Variants in GRAMD1B observed in about 807,000 individuals in gnomAD.
GRAMD1B encodes the protein protein Aster-B.
A neutral mutation model predicts 99.7 loss-of-function variants in GRAMD1B; 37 were observed. The observed-to-expected ratio is 0.37, with a 90% confidence interval of 0.29 to 0.49. The LOEUF (loss-of-function observed/expected upper bound fraction) is 0.49. GRAMD1B is among the 20% of genes least tolerant of loss of function. The pLI, the probability that GRAMD1B is intolerant of heterozygous loss-of-function variation, is 0.98. For synonymous variants in GRAMD1B, 427 were observed against 387.6 expected (o/e 1.10, Z -1.19); for missense variants, 888 against 1,009.2 (o/e 0.88, Z 1.63).
At chr11:123,601,909 A>G (rs1217465876) in intron 8 of GRAMD1B, among the ~76,000 whole-genome samples, 1 of 152,212 alleles carries the variant, frequency 6.6e-6, no homozygotes, top group Admixed American at 6.5e-5. Context: ...GCTTGTCCTG[A>G]TCGTGGTTGG....
intron 8 of GRAMD1B, among the ~76,000 whole-genome samples, chr11:123,602,979 G>A (rs533354512): frequency 6.6e-6 from 1 of 152,340 alleles, no homozygotes; most frequent in African/African-American, 2.4e-5. Context: ...GTTAATACAA[G>A]AGGAGATTTC....
At chr11:123,464,717 T>C (rs950176049) in intron 1 of GRAMD1B, among the ~76,000 whole-genome samples, 4 of 152,180 alleles carry the variant, frequency 2.6e-5, no homozygotes, top group Non-Finnish European at 5.9e-5. Flanking sequence ...GTACTGATAT[T>C]TGGACTAGAG....
At chr11:123,378,871 C>T (rs1389107976) in intron 1 of GRAMD1B, among the ~76,000 whole-genome samples, 3 of 152,174 alleles carry the variant, frequency 2.0e-5, no homozygotes, top group Admixed American at 1.3e-4. Flanking sequence ...TTCTCATGCA[C>T]AAGAGCAATA....
chr11:123,428,999 C>T (rs190181120), upstream of GRAMD1B, among the ~76,000 whole-genome samples: 6 of 152,230 alleles, frequency 3.9e-5, 1 homozygote, highest in African/African-American at 1.4e-4. Context: ...TGAGACCAGC[C>T]TGGGCAATAT....
In GRAMD1B at chr11:123,591,466, G is replaced by A. The variant is rs187860746; in HGVS notation, c.685-2616G>A. 86 of 399,078 alleles carry A rather than the reference G, an allele frequency of 2.2e-4. No homozygotes were observed. The highest frequency in any genetic ancestry group is 1.5e-3 in the African/African-American group (75 of 48,764). The allele number at this position is 399,078 out of a possible 1,614,324, so 24.7% of individuals were successfully genotyped here. ...AGCAGGAGAGCCAGCTGCTGCAGTG[G>A]TACCTGAAGCAGCTTGGCCATGCAC... is the stretch of plus-strand genomic sequence containing the variant. On this transcript the variant is annotated intron_variant, in intron 4 of 19. Coordinates refer to ENST00000635736, the MANE Select transcript of GRAMD1B (RefSeq NM_001387025.1). This position sits in a 1 kb window ranked among gnomAD's most constrained non-coding sequence, Gnocchi z 4.7.
At chr11:123,376,261 A>G (rs1044335782) in intron 1 of GRAMD1B, among the ~76,000 whole-genome samples, 6 of 152,170 alleles carry the variant, frequency 3.9e-5, no homozygotes, top group African/African-American at 1.2e-4. Flanking sequence ...AATCTTTTCT[A>G]GTTTTTAGCA....
intron 2 of GRAMD1B, 44 bp downstream of exon 2, chr11:123,480,937 G>C: frequency 2.5e-6 from 1 of 398,790 alleles, no homozygotes; most frequent in Non-Finnish European, 4.4e-6. Flanking sequence ...AAGAATAGAG[G>C]GGGTGGGGTG....
At chr11:123,456,487 A>T (rs923617415) in intron 1 of GRAMD1B, among the ~76,000 whole-genome samples, 1 of 151,904 alleles carries the variant, frequency 6.6e-6, no homozygotes, top group Non-Finnish European at 1.5e-5. Context: ...AAAAAGAAAA[A>T]ATTGGGGCCA....
At chr11:123,418,918 CACA>C (rs1256592804) in intron 1 of GRAMD1B, among the ~76,000 whole-genome samples, 8 of 152,164 alleles carry the variant, frequency 5.3e-5, no homozygotes, top group African/African-American at 1.9e-4. Flanking sequence ...CTTGGTAACA[CACA>C]ACAACGATGA....
chr11:123,451,648 C>T (rs527929648), intron 1 of GRAMD1B, among the ~76,000 whole-genome samples: 2 of 152,262 alleles, frequency 1.3e-5, no homozygotes, highest in South Asian at 4.1e-4. Flanking sequence ...ATTTTACCTC[C>T]CCTGCTCCCC....
At chr11:123,605,144 A>T (rs1952538888) in intron 9 of GRAMD1B, among the ~76,000 whole-genome samples, 178 bp from the exon 10 acceptor site, 1 of 152,184 alleles carries the variant, frequency 6.6e-6, no homozygotes, top group Admixed American at 6.5e-5. Flanking sequence ...GATATGAAGG[A>T]GATTTCAGAA....
At chr11:123,530,986 T>C (rs977141564) in intron 2 of GRAMD1B, among the ~76,000 whole-genome samples, 3 of 152,190 alleles carry the variant, frequency 2.0e-5, no homozygotes, top group Non-Finnish European at 2.9e-5. Flanking sequence ...TCAGCTTCCT[T>C]TTTAGTAATG....
chr11:123,611,288 C>T (rs756064424), intron 14 of GRAMD1B, among the ~76,000 whole-genome samples: 3 of 151,868 alleles, frequency 2.0e-5, no homozygotes, highest in Non-Finnish European at 4.4e-5. Context: ...AATAAAAGTT[C>T]GCCAGGAGTG....
At chr11:123,372,443 A>G (rs988735559) in intron 1 of GRAMD1B, among the ~76,000 whole-genome samples, 1 of 152,182 alleles carries the variant, frequency 6.6e-6, no homozygotes, top group Non-Finnish European at 1.5e-5. Context: ...TAGGTTTGGG[A>G]CTAGCACCCC....
intron 2 of GRAMD1B, among the ~76,000 whole-genome samples, chr11:123,513,601 C>CTCTCTTTCTTT (rs1591772451): frequency 8.0e-5 from 3 of 37,348 alleles, no homozygotes; most frequent in African/African-American, 2.1e-4. Flanking sequence ...TTCCTTCCTT[C>CTCTCTTTCTTT]CTTCCTTCCT....
chr11:123,480,172 G>A (rs548153812), intron 1 of GRAMD1B, among the ~76,000 whole-genome samples: 1 of 152,304 alleles, frequency 6.6e-6, no homozygotes, highest in East Asian at 1.9e-4. Flanking sequence ...AACTAAAGCT[G>A]TGTAATTATC....
At chr11:123,450,199 G>GT (rs1054050411) in intron 1 of GRAMD1B, among the ~76,000 whole-genome samples, 9 of 152,080 alleles carry the variant, frequency 5.9e-5, no homozygotes, top group African/African-American at 2.2e-4. Flanking sequence ...CAGCAGTTAG[G>GT]TTTTTTTCCC....
chr11:123,594,193 GGGAA>G, intron 5 of GRAMD1B, 27 bp downstream of exon 5: 1 of 1,518,364 alleles, frequency 6.6e-7, no homozygotes, highest in South Asian at 1.1e-5. Context: ...GGGAGGGGAT[GGGAA>G]GGAAGTCTGG....
intron 1 of GRAMD1B, among the ~76,000 whole-genome samples, chr11:123,420,344 G>T (rs1948385918): frequency 6.6e-6 from 1 of 152,150 alleles, no homozygotes; most frequent in Non-Finnish European, 1.5e-5. Flanking sequence ...TTCTTAACAG[G>T]TAAGAGGTAT....
Sources: gnomAD v4.1 joint callset for allele counts (sites outside exome capture counted in the v4.1 genomes callset) on GRCh38, gnomAD v4.1.1 for gene constraint, Gnocchi (gnomAD v3.1) non-coding constraint, MANE v1.5 for transcripts, NCBI Gene and HGNC (gene_info 2026-07-23, HGNC 2026-07-21) for gene names.